Variants in ZBTB20 observed in about 807,000 individuals in gnomAD.
ZBTB20 encodes the protein zinc finger and BTB domain containing 20, also known as zinc finger and BTB domain-containing protein 20.
Under a neutral mutation model 56.9 loss-of-function variants are expected in ZBTB20, and 9 were observed. The observed-to-expected ratio is 0.16, with a 90% CI of 0.10 to 0.28. The LOEUF is 0.28. ZBTB20 is among the 10% of genes least tolerant of loss of function. ZBTB20 has a pLI of 1.00. For missense variants in ZBTB20, 655 were observed against 1,003.0 expected (o/e 0.65, Z 4.69); for synonymous variants, 417 against 420.7 (o/e 0.99, Z 0.11).
chr3:114,365,363 G>A (rs2082288318), intron 10 of ZBTB20, among the ~76,000 whole-genome samples: 1 of 152,178 alleles, frequency 6.6e-6, no homozygotes, highest in South Asian at 2.1e-4. Flanking sequence ...GAGGGAGGGT[G>A]GGCATGAAGC....
intron 2 of ZBTB20, among the ~76,000 whole-genome samples, chr3:115,051,117 T>C (rs980775553): frequency 6.6e-6 from 1 of 152,126 alleles, no homozygotes; most frequent in African/African-American, 2.4e-5. Context: ...ATTTTTTTGC[T>C]AGGTACATTC....
chr3:114,435,303 T>G (rs1193413609), intron 7 of ZBTB20, among the ~76,000 whole-genome samples: 2 of 152,192 alleles, frequency 1.3e-5, no homozygotes, highest in Non-Finnish European at 2.9e-5. Flanking sequence ...TCTGAACACC[T>G]GGTACACGTT....
At chr3:114,601,485 T>C (rs148251631) in intron 6 of ZBTB20, among the ~76,000 whole-genome samples, 30 of 152,212 alleles carry the variant, frequency 2.0e-4, no homozygotes, top group Non-Finnish European at 3.4e-4. Context: ...CTTATATCTT[T>C]CTTGAATTTC....
chr3:115,053,723 T>C (rs1043396108), intron 2 of ZBTB20, among the ~76,000 whole-genome samples: 11 of 152,152 alleles, frequency 7.2e-5, no homozygotes, highest in African/African-American at 2.7e-4. Flanking sequence ...CTGCAAATAA[T>C]TTGTTCTCTG....
intron 4 of ZBTB20, among the ~76,000 whole-genome samples, chr3:114,871,850 A>C (rs2076023454): frequency 6.6e-6 from 1 of 152,102 alleles, no homozygotes; most frequent in African/African-American, 2.4e-5. Flanking sequence ...TTATTTTGGA[A>C]AGCTAAGATT....
At chr3:114,593,434 G>C (rs1466484142) in intron 6 of ZBTB20, among the ~76,000 whole-genome samples, 1 of 150,386 alleles carries the variant, frequency 6.6e-6, no homozygotes, top group Non-Finnish European at 1.5e-5. Flanking sequence ...GCCCAGGCTG[G>C]AGTGCAATGG....
chr3:114,835,459 T>C (rs1321180967), intron 4 of ZBTB20, among the ~76,000 whole-genome samples: 1 of 152,216 alleles, frequency 6.6e-6, no homozygotes, highest in African/African-American at 2.4e-5. Context: ...TGCTGTGAGT[T>C]TGTGGCATTA....
intron 4 of ZBTB20, among the ~76,000 whole-genome samples, chr3:114,814,054 G>C (rs939879590): frequency 2.0e-5 from 3 of 151,586 alleles, no homozygotes; most frequent in African/African-American, 7.3e-5. Flanking sequence ...ACATACTGAA[G>C]AGCATCCTAG....
intron 10 of ZBTB20, among the ~76,000 whole-genome samples, chr3:114,358,811 A>T: frequency 6.6e-6 from 1 of 152,186 alleles, no homozygotes; most frequent in East Asian, 1.9e-4. Flanking sequence ...ATTTATCCAT[A>T]AGGATCTTTG....
intron 7 of ZBTB20, among the ~76,000 whole-genome samples, chr3:114,479,796 A>G (rs1451938288): frequency 6.6e-6 from 1 of 152,248 alleles, no homozygotes; most frequent in African/African-American, 2.4e-5. Context: ...CATTTATTGA[A>G]GTGCTGAAAC....
At chr3:114,416,073 G>A (rs528206891) in intron 7 of ZBTB20, among the ~76,000 whole-genome samples, 41 of 152,006 alleles carry the variant, frequency 2.7e-4, no homozygotes, top group African/African-American at 9.9e-4. Context: ...CTCCTACAGG[G>A]GTGGGAAATG....
At chr3:115,138,682 G>C (rs752607336) in intron 1 of ZBTB20, among the ~76,000 whole-genome samples, 7 of 152,034 alleles carry the variant, frequency 4.6e-5, no homozygotes, top group Admixed American at 3.3e-4. Context: ...CTTTAAAATT[G>C]GGATAATAAA....
chr3:114,678,328 G>A (rs2061756637), intron 6 of ZBTB20, among the ~76,000 whole-genome samples: 1 of 152,078 alleles, frequency 6.6e-6, no homozygotes, highest in Admixed American at 6.5e-5. Flanking sequence ...TTAAAAAAAA[G>A]AGTTTTAAAA....
intron 6 of ZBTB20, among the ~76,000 whole-genome samples, chr3:114,515,028 T>C (rs2045829093): frequency 6.6e-6 from 1 of 152,196 alleles, no homozygotes; most frequent in South Asian, 2.1e-4. Context: ...CTTAAATTAG[T>C]GGCAAGTTAG....
Position 115,029,866 on chromosome 3 carries a change from A to G in ZBTB20, c.-507+41353T>C, listed in dbSNP as rs137872206. On this transcript the variant is annotated intron_variant, in intron 2 of 11. Transcript: ENST00000675478. ...TTCCTAAGCATAAAAGCAAAGGCAGAAGCCATAAAAAATGTAATATGGTTT... is the reference window on the plus strand; with the variant it reads ...TTCCTAAGCATAAAAGCAAAGGCAGGAGCCATAAAAAATGTAATATGGTTT... 4.2e-3 allele frequency among the ~76,000 whole-genome samples: 634 copies of G among 151,218 alleles called. 6 individuals are homozygous for G. The highest frequency in any genetic ancestry group is 0.014 in the African/African-American group (592 of 41,466).
intron 4 of ZBTB20, among the ~76,000 whole-genome samples, chr3:114,835,931 C>A (rs1393596275): frequency 1.3e-5 from 2 of 152,160 alleles, no homozygotes; most frequent in Admixed American, 6.5e-5. Flanking sequence ...ACAAATGCAC[C>A]TATGTAGCCA....
At chr3:114,518,664 G>A (rs2046304240) in intron 6 of ZBTB20, 1 of 152,172 alleles carries the variant, frequency 6.6e-6, no homozygotes, top group African/African-American at 2.4e-5. Context: ...GTGCCTGAAA[G>A]ATAACAGGGG....
At chr3:115,091,957 T>C (rs929975309) in intron 1 of ZBTB20, among the ~76,000 whole-genome samples, 2 of 152,064 alleles carry the variant, frequency 1.3e-5, no homozygotes, top group Non-Finnish European at 2.9e-5. Context: ...GCTGTGGGAA[T>C]GTGAAAGAAG....
Position 114,326,282 on chromosome 3 carries a change from G to A in ZBTB20, c.*12723C>T, listed in dbSNP as rs1025402340. On this transcript the variant is annotated 3_prime_UTR_variant, in exon 12 of 12. Transcript: ENST00000675478. ...GGATTTGAGGAGGCAATAAGGATTT[G>A]TAGTACAAAATGCATGGTCTTCATC... is the stretch of plus-strand genomic sequence containing the variant. The A allele has an allele frequency of 6.6e-6, 1 of 152,138 alleles. No homozygotes were observed. The highest frequency in any genetic ancestry group is 6.6e-5 in the Admixed American group (1 of 15,264). The allele number at this position is 152,138 out of a possible 1,614,324, so 9.4% of individuals were successfully genotyped here.
Sources: allele counts gnomAD v4.1 joint callset (sites outside exome capture counted in the v4.1 genomes callset), GRCh38; gene constraint gnomAD v4.1.1; transcripts MANE v1.5; gene names NCBI Gene and HGNC (gene_info 2026-07-23, HGNC 2026-07-21).